RBFOX1: variants seen among roughly 807,000 people sequenced by gnomAD.
RBFOX1 encodes the protein RNA binding fox-1 homolog 1, also known as RNA binding protein fox-1 homolog 1.
RBFOX1 carries 8 observed loss-of-function variants against 57.7 expected under a neutral mutation model. The ratio of observed to expected loss-of-function variants is 0.14; its 90% CI spans 0.08 to 0.25. The LOEUF (loss-of-function observed/expected upper bound fraction) is 0.25, where lower values mean the gene tolerates loss of function less well. Ranked by LOEUF, RBFOX1 falls within the 10% of genes least tolerant of loss-of-function variation. The probability of loss-of-function intolerance (pLI) is 1.00; values close to 1 mark genes in which losing one functional copy is unlikely to be tolerated. For synonymous variants in RBFOX1, 326 were observed against 222.4 expected, an observed-to-expected ratio of 1.47 and a Z score of -4.15; for missense variants, 611 against 548.5, an observed-to-expected ratio of 1.11 and a Z score of -1.14.
At position 7,409,915 on chromosome 16, in the gene RBFOX1, G is replaced by T. The variant is rs180724366; in HGVS notation, c.28-108232G>T. Among the ~76,000 whole-genome samples the T allele has an allele frequency of 2.6e-3, 393 of 152,234 alleles. 1 individual carries two copies. Among genetic ancestry groups the T allele is most frequent in the South Asian group, 8.1e-3 (39 of 4,816 alleles). On this transcript the variant is annotated intron_variant, in intron 4 of 15. Coordinates refer to ENST00000550418, the MANE Select transcript of RBFOX1 (RefSeq NM_018723.4). The stretch of plus-strand genomic sequence containing the variant: ...CCGGCAATGTCTTAAATGAGGGGAG[G>T]GGTCTTATCGAGGAGGCTGTGCCTG...
intron 4 of RBFOX1, among the ~76,000 whole-genome samples, chr16:7,134,899 C>G (rs1423867436): frequency 7.0e-6 from 1 of 143,316 alleles, no homozygotes; most frequent in Non-Finnish European, 1.5e-5. Flanking sequence ...CATTCTTTGG[C>G]TTTATGGTGG....
intron 2 of RBFOX1, among the ~76,000 whole-genome samples, chr16:6,412,965 C>G (rs1287074466): frequency 6.6e-6 from 1 of 152,184 alleles, no homozygotes; most frequent in Non-Finnish European, 1.5e-5. Flanking sequence ...ATGGAATACT[C>G]TTGCCTCAGA....
At chr16:7,288,413 A>C (rs2095693098) in intron 4 of RBFOX1, among the ~76,000 whole-genome samples, 1 of 152,220 alleles carries the variant, frequency 6.6e-6, no homozygotes. Flanking sequence ...CCTCATTCTC[A>C]GCTTCCTTAC....
intron 14 of RBFOX1, among the ~76,000 whole-genome samples, chr16:7,682,357 C>A (rs1275704440): frequency 6.6e-6 from 1 of 151,968 alleles, no homozygotes; most frequent in Admixed American, 6.6e-5. Context: ...GGATGGAGTT[C>A]TTGGGGGTTC....
chr16:6,887,286 A>C (rs2064284669), intron 3 of RBFOX1, among the ~76,000 whole-genome samples: 2 of 152,136 alleles, frequency 1.3e-5, no homozygotes, highest in African/African-American at 4.8e-5. Context: ...GATGTTTCAA[A>C]GTGTGGTGGG....
Position 5,446,663 on chromosome 16 carries a change from G to T in RBFOX1, c.220-20553G>T, listed in dbSNP as rs111369279. ...GCAGGTAGATGGGGGTGTGAGAGGG[G>T]ATCGCTGTGATTCCAGAAGACCCTG... On this transcript the variant is annotated intron_variant, in intron 1 of 2. Coordinates refer to the RBFOX1 transcript ENST00000585867. Among the ~76,000 whole-genome samples, 1,089 of 152,148 alleles carry T rather than the reference G, an allele frequency of 7.2e-3. 17 individuals carry two copies. The highest frequency in any genetic ancestry group is 0.024 in the African/African-American group (1,016 of 41,536).
exon 3 of RBFOX1, chr16:5,599,402 G>A (rs2047293019): frequency 1.7e-6 from 1 of 583,722 alleles, no homozygotes; most frequent in Non-Finnish European, 3.0e-6. Flanking sequence ...CATTGGGCTT[G>A]GAGTCACTGG....
At chr16:5,995,612 A>G (rs189149934) in intron 4 of RBFOX1, among the ~76,000 whole-genome samples, 34 of 152,354 alleles carry the variant, frequency 2.2e-4, no homozygotes, top group African/African-American at 8.2e-4. Context: ...ATTTTCTAAA[A>G]TAGAATGGAC....
At chr16:7,657,700 A>T (rs1368864737) in intron 12 of RBFOX1, among the ~76,000 whole-genome samples, 3 of 152,192 alleles carry the variant, frequency 2.0e-5, no homozygotes, top group Non-Finnish European at 4.4e-5. Flanking sequence ...GGTTATGAAG[A>T]GGCCCTTTTT....
intron 1 of RBFOX1, among the ~76,000 whole-genome samples, chr16:5,357,488 G>C (rs2065423407): frequency 6.6e-6 from 1 of 152,252 alleles, no homozygotes; most frequent in African/African-American, 2.4e-5. Flanking sequence ...GAGCCACACA[G>C]AGAAGACTTC....
chr16:7,164,655 C>T (rs1403287053), intron 4 of RBFOX1, among the ~76,000 whole-genome samples: 2 of 152,194 alleles, frequency 1.3e-5, no homozygotes, highest in Non-Finnish European at 2.9e-5. Context: ...CAAATACAAA[C>T]ACACACAATG....
At chr16:6,370,619 AG>A (rs2090295573) in intron 2 of RBFOX1, among the ~76,000 whole-genome samples, 1 of 152,178 alleles carries the variant, frequency 6.6e-6, no homozygotes, top group South Asian at 2.1e-4. Context: ...TACTTATTTC[AG>A]GTACCTAGGA....
At chr16:5,249,461 G>T (rs1219472656) in intron 1 of RBFOX1, among the ~76,000 whole-genome samples, 4 of 152,218 alleles carry the variant, frequency 2.6e-5, no homozygotes, top group African/African-American at 9.6e-5. Context: ...GAGGGGACGT[G>T]CACGGCCCTC....
intron 4 of RBFOX1, among the ~76,000 whole-genome samples, chr16:7,256,131 A>C (rs531257402): frequency 2.0e-5 from 3 of 152,356 alleles, no homozygotes; most frequent in South Asian, 2.1e-4. Flanking sequence ...ATGCACTGTT[A>C]AAAATAAATA....
intron 4 of RBFOX1, among the ~76,000 whole-genome samples, chr16:7,447,718 C>A (rs1159587861): frequency 6.6e-6 from 1 of 152,172 alleles, no homozygotes; most frequent in East Asian, 1.9e-4. Flanking sequence ...CTATCCTCTT[C>A]TTTTATTAAG....
At chr16:7,390,365 G>C (rs1444992521) in intron 4 of RBFOX1, among the ~76,000 whole-genome samples, 1 of 152,154 alleles carries the variant, frequency 6.6e-6, no homozygotes, top group Admixed American at 6.5e-5. Flanking sequence ...CCAAATCTGA[G>C]AGACACCCAA....
At chr16:7,226,575 C>A (rs1303561400) in intron 4 of RBFOX1, among the ~76,000 whole-genome samples, 1 of 152,206 alleles carries the variant, frequency 6.6e-6, no homozygotes, top group Non-Finnish European at 1.5e-5. Context: ...GAGAAAGGGG[C>A]CAACATCTGG....
At chr16:7,448,446 C>T (rs1478359210) in intron 4 of RBFOX1, among the ~76,000 whole-genome samples, 1 of 152,144 alleles carries the variant, frequency 6.6e-6, no homozygotes, top group Non-Finnish European at 1.5e-5. Flanking sequence ...TACATGGCGG[C>T]AGGCAAGAGA....
intron 1 of RBFOX1, among the ~76,000 whole-genome samples, chr16:5,259,607 G>C (rs927148424): frequency 1.3e-5 from 2 of 152,172 alleles, no homozygotes; most frequent in African/African-American, 4.8e-5. Context: ...GCTCTAGGGA[G>C]GCCAGCGTGT....
Sources: allele counts gnomAD v4.1 joint callset (sites outside exome capture counted in the v4.1 genomes callset), GRCh38; gene constraint gnomAD v4.1.1; transcripts MANE v1.5; gene names NCBI Gene and HGNC (gene_info 2026-07-23, HGNC 2026-07-21).